Variants in MAL2 observed in about 807,000 individuals in gnomAD.
MAL2 encodes mal, T cell differentiation protein 2.
In MAL2, 17 loss-of-function variants were observed where a neutral mutation model predicts 18.1. That is an observed-to-expected ratio of 0.94 (90% CI 0.64 to 1.41). MAL2 has a LOEUF of 1.41. Ranked by LOEUF, MAL2 falls within the 40% of genes most tolerant of loss-of-function variation. The pLI is 0.00. For missense variants in MAL2, 222 were observed against 231.9 expected (o/e 0.96, Z 0.28); for synonymous variants, 102 against 102.3 (o/e 1.00, Z 0.02).
intron 1 of MAL2, chr8:119,221,362 GT>G: frequency 2.0e-6 from 1 of 507,706 alleles, no homozygotes; most frequent in Non-Finnish European, 3.5e-6. Context: ...GAAGATACAG[GT>G]GTGGAGTTGG....
intron 2 of MAL2, chr8:119,223,709 T>C (rs1277939120): frequency 6.6e-6 from 1 of 152,222 alleles, no homozygotes; most frequent in Non-Finnish European, 1.5e-5. Context: ...GTAGGCATGC[T>C]TTCTAAGAGC....
chr8:119,237,556 C>T (rs1045934501), intron 2 of MAL2, among the ~76,000 whole-genome samples: 6 of 151,630 alleles, frequency 4.0e-5, no homozygotes, highest in Non-Finnish European at 7.4e-5. Context: ...ACTGGCAAAA[C>T]GAATCCAGCA....
chr8:119,214,803 G>A lies in MAL2; in HGVS notation c.132+6199G>A, dbSNP rs1261165130. Among the ~76,000 whole-genome samples, 3 of 152,310 alleles carry A rather than the reference G, an allele frequency of 2.0e-5. No individual in the cohort carries two copies. The East Asian group carries it at 5.8e-4, about 29-fold the overall frequency. ...AAAAGTAGAACTTCTTTTGCAATGA[G>A]TATTAACGTATTTTGGTCATAAGCC... On this transcript the variant is annotated intron_variant, in intron 1 of 3. Transcript: ENST00000614891.
At chr8:119,222,376 A>G (rs1817482713) in intron 2 of MAL2, among the ~76,000 whole-genome samples, 1 of 151,916 alleles carries the variant, frequency 6.6e-6, no homozygotes, top group African/African-American at 2.4e-5. Context: ...TAAAAATACA[A>G]AAATTACCCC....
At position 119,244,970 on chromosome 8, in the gene MAL2, G is replaced by A. The variant is rs771287825; in HGVS notation, c.*1482G>A. On this transcript the variant is annotated 3_prime_UTR_variant, in exon 4 of 4. Coordinates refer to ENST00000614891, the MANE Select transcript of MAL2 (RefSeq NM_052886.3). Reference sequence around the variant, plus strand: ...CATCCCCTTGGAGTGCCATGTATAAGTTGGGCTATTAGAGTTCATGGAACA... The same window carrying A: ...CATCCCCTTGGAGTGCCATGTATAAATTGGGCTATTAGAGTTCATGGAACA... 1 of 152,566 alleles carries A rather than the reference G, an allele frequency of 6.6e-6. No individual in the cohort carries two copies. The highest frequency in any genetic ancestry group is 2.4e-5 in the African/African-American group (1 of 41,428). 9.5% of individuals were successfully genotyped at this position (152,566 alleles called of 1,614,324 possible).
chr8:119,231,499 G>A (rs1331770489), intron 2 of MAL2, among the ~76,000 whole-genome samples: 3 of 152,288 alleles, frequency 2.0e-5, no homozygotes, highest in African/African-American at 7.2e-5. Flanking sequence ...CTGTTGGTAG[G>A]AATGTAAATT....
At chr8:119,238,948 C>T (rs1817980800) in intron 2 of MAL2, among the ~76,000 whole-genome samples, 1 of 151,680 alleles carries the variant, frequency 6.6e-6, no homozygotes, top group African/African-American at 2.4e-5. Context: ...AACTAAAGAG[C>T]TTCTGCACAG....
intron 3 of MAL2, among the ~76,000 whole-genome samples, 193 bp from the exon 4 acceptor site, chr8:119,243,224 G>T (rs1818081367): frequency 6.6e-6 from 1 of 151,356 alleles, no homozygotes; most frequent in Admixed American, 6.6e-5. Context: ...AGGAAGGGGG[G>T]AGGGTAATTG....
intron 2 of MAL2, among the ~76,000 whole-genome samples, chr8:119,230,643 T>C (rs1317110575): frequency 6.6e-6 from 1 of 152,186 alleles, no homozygotes; most frequent in Non-Finnish European, 1.5e-5. Context: ...GCAGGTCCTG[T>C]CACCAAATCT....
chr8:119,228,931 C>G (rs1414493713), intron 2 of MAL2, among the ~76,000 whole-genome samples: 1 of 152,268 alleles, frequency 6.6e-6, no homozygotes, highest in East Asian at 1.9e-4. Context: ...GAGTTGGTCT[C>G]TGTTGCTGGC....
intron 2 of MAL2, among the ~76,000 whole-genome samples, chr8:119,235,221 G>C (rs1379728347): frequency 1.3e-5 from 2 of 152,138 alleles, no homozygotes; most frequent in African/African-American, 2.4e-5. Context: ...AATAGAAGAT[G>C]AAATGAAGCG....
At chr8:119,231,817 G>A (rs753935219) in intron 2 of MAL2, among the ~76,000 whole-genome samples, 9 of 152,068 alleles carry the variant, frequency 5.9e-5, no homozygotes, top group Non-Finnish European at 1.0e-4. Flanking sequence ...AGCCAGGCAC[G>A]GAAAGACCAA....
At chr8:119,231,519 G>A (rs2470042) in intron 2 of MAL2, among the ~76,000 whole-genome samples, 131,030 of 152,176 alleles carry the variant, frequency 0.86, 58,267 homozygotes, top group Non-Finnish European at 0.97. Context: ...TAGTGCAGTC[G>A]TTATAGAGAA....
intron 3 of MAL2, among the ~76,000 whole-genome samples, chr8:119,241,440 G>A (rs916363634): frequency 5.9e-5 from 9 of 152,178 alleles, no homozygotes; most frequent in Non-Finnish European, 7.3e-5. Flanking sequence ...CTCAGGAGGC[G>A]GAGGTTGCAG....
At position 119,244,503 on chromosome 8, in the gene MAL2, A is replaced by G. The variant is rs751898275; in HGVS notation, c.*1015A>G. 3.3e-5 allele frequency: 5 copies of G among 152,164 alleles called. No individual in the cohort carries two copies. The highest frequency in any genetic ancestry group is 6.6e-5 in the Admixed American group (1 of 15,256). The allele number at this position is 152,164 out of a possible 1,614,324, so 9.4% of individuals were successfully genotyped here. Reference sequence around the variant, plus strand: ...GCTACTGATGTCTTACTTTGAGTTTATTTATGCTTCAGAATACAGTTGTTT... The same window carrying G: ...GCTACTGATGTCTTACTTTGAGTTTGTTTATGCTTCAGAATACAGTTGTTT... On this transcript the variant is annotated 3_prime_UTR_variant, in exon 4 of 4. Transcript: ENST00000614891.
chr8:119,217,012 A>G (rs2470043), intron 1 of MAL2, among the ~76,000 whole-genome samples: 90,492 of 152,016 alleles, frequency 0.6, 28,157 homozygotes, highest in Middle Eastern at 0.73. Context: ...TCCAAACAGG[A>G]GATGAGTTAA....
chr8:119,230,832 G>A (rs1011469293), intron 2 of MAL2, among the ~76,000 whole-genome samples: 14 of 152,092 alleles, frequency 9.2e-5, no homozygotes, highest in African/African-American at 3.1e-4. Flanking sequence ...AATATTTGTT[G>A]AATAACCACA....
At chr8:119,225,058 C>CT (rs769663924) in intron 2 of MAL2, among the ~76,000 whole-genome samples, 1,822 of 148,136 alleles carry the variant, frequency 0.012, 20 homozygotes, top group African/African-American at 0.029. Context: ...GACGATGCAG[C>CT]TTTTTTTTTT....
intron 2 of MAL2, among the ~76,000 whole-genome samples, chr8:119,231,931 A>C (rs146713901): frequency 0.015 from 2,279 of 152,232 alleles, 61 homozygotes; most frequent in African/African-American, 0.053. Flanking sequence ...GGGACTGGGG[A>C]AATGTTGGTC....
Sources: allele counts gnomAD v4.1 joint callset (sites outside exome capture counted in the v4.1 genomes callset), GRCh38; gene constraint gnomAD v4.1.1; transcripts MANE v1.5; gene names NCBI Gene and HGNC (gene_info 2026-07-23, HGNC 2026-07-21).